CRLS1: variants seen among roughly 807,000 people sequenced by gnomAD.
CRLS1 encodes the protein cardiolipin synthase (CMP-forming).
CRLS1 carries 24 observed loss-of-function variants against 37.0 expected under a neutral mutation model. The ratio of observed to expected loss-of-function variants is 0.65; its 90% confidence interval spans 0.47 to 0.91. The LOEUF (loss-of-function observed/expected upper bound fraction) is 0.91. CRLS1 is among the 40% of genes least tolerant of loss of function. CRLS1 has a pLI of 0.00. For synonymous variants in CRLS1, 135 were observed against 159.7 expected (o/e 0.85, Z 1.17); for missense variants, 373 against 395.8 (o/e 0.94, Z 0.49).
chr20:6,008,596 AT>A (rs1600345094), intron 1 of CRLS1, among the ~76,000 whole-genome samples: 1 of 152,210 alleles, frequency 6.6e-6, no homozygotes, highest in East Asian at 1.9e-4. Flanking sequence ...GGATCTTAAC[AT>A]TTCCATGACT....
At chr20:6,011,626 C>T (rs1203877786) in intron 2 of CRLS1, among the ~76,000 whole-genome samples, 1 of 84,776 alleles carries the variant, frequency 1.2e-5, no homozygotes, top group Non-Finnish European at 2.3e-5. Flanking sequence ...GACTCTGTCG[C>T]CCAGGCTGGA....
chr20:6,030,785 G>A lies in CRLS1; in HGVS notation c.575-500G>A, dbSNP rs551058534. Among the ~76,000 whole-genome samples the A allele has an allele frequency of 1.1e-4, 17 of 152,268 alleles. 1 individual carries two copies. The South Asian group carries it at 1.5e-3, about 13-fold the overall frequency. ...AGCAAATTTTACTCTTCAGAGAATA[G>A]TCTAAAATGCAGAACAAGCAATCAA... On this transcript the variant is annotated intron_variant, in intron 3 of 6. Coordinates refer to ENST00000378863, the MANE Select transcript of CRLS1 (RefSeq NM_019095.6).
At chr20:6,008,781 A>G (rs2090093585) in intron 1 of CRLS1, among the ~76,000 whole-genome samples, 1 of 152,160 alleles carries the variant, frequency 6.6e-6, no homozygotes, top group African/African-American at 2.4e-5. Context: ...CATTCTTTAG[A>G]TATGTGTAAG....
chr20:6,011,571 G>GCCTTTT (rs201052934), intron 2 of CRLS1, among the ~76,000 whole-genome samples: 1 of 42,624 alleles, frequency 2.3e-5, no homozygotes, highest in African/African-American at 6.6e-5. Flanking sequence ...TTTTGTCCCT[G>GCCTTTT]CTTTTTTTTT....
intron 3 of CRLS1, among the ~76,000 whole-genome samples, chr20:6,018,324 G>A (rs1377913805): frequency 6.6e-6 from 1 of 151,134 alleles, no homozygotes; most frequent in Non-Finnish European, 1.5e-5. Flanking sequence ...TTGCTAACTT[G>A]TATTCTAACA....
chr20:6,007,138 A>G (rs1336598097), intron 1 of CRLS1: 3 of 926,212 alleles, frequency 3.2e-6, no homozygotes, highest in Admixed American at 3.5e-5. Flanking sequence ...CTACCCAGAC[A>G]GAAGACACCC....
chr20:6,037,395 C>A lies in CRLS1; in HGVS notation c.*237C>A, dbSNP rs568455027. On this transcript the variant is annotated 3_prime_UTR_variant, in exon 7 of 7. Coordinates refer to ENST00000378863, the MANE Select transcript of CRLS1 (RefSeq NM_019095.6). ...AAAATTGTAATTTAGAATTTTTAAT[C>A]TTAGGTTTCTTGATTAATTTATAAG... 7 of 302,756 alleles carry A rather than the reference C, an allele frequency of 2.3e-5. No homozygotes were observed. The East Asian group carries it at 3.8e-4, about 17-fold the overall frequency. 18.8% of individuals were successfully genotyped at this position (302,756 alleles called of 1,614,324 possible).
intron 6 of CRLS1, 64 bp from the exon 7 acceptor site, chr20:6,037,010 G>T: frequency 9.0e-7 from 1 of 1,116,622 alleles, no homozygotes; most frequent in South Asian, 1.3e-5. Context: ...TATTCATTAT[G>T]ATTCCCGTTG....
At chr20:6,028,207 C>G (rs1274365674) in intron 3 of CRLS1, 1 of 152,086 alleles carries the variant, frequency 6.6e-6, no homozygotes, top group Non-Finnish European at 1.5e-5. Context: ...AATTTTTTTG[C>G]TTTCTTCCTT....
rs1291577837 is a variant in CRLS1 at position 6,039,508 on chromosome 20, A to G, written c.*2350A>G. 1 of 152,146 alleles carries G rather than the reference A, an allele frequency of 6.6e-6. No individual in the cohort carries two copies. The highest frequency in any genetic ancestry group is 1.5e-5 in the Non-Finnish European group (1 of 68,030). 9.4% of individuals were successfully genotyped at this position (152,146 alleles called of 1,614,324 possible). A position where few individuals can be genotyped will look rare whatever the true frequency, so the allele number is the denominator to read the frequency against. ...AGTGCAGTTCAGTTTTAGTTTCTGC[A>G]GCATGGTTTGGAAACAAAAGATACA... On this transcript the variant is annotated 3_prime_UTR_variant, in exon 7 of 7. Transcript: ENST00000378863.
Position 6,039,261 on chromosome 20 carries a change from TTGTGTGTGTGTGTGTGTGTGTGTGTG to T in CRLS1, c.*2121_*2146del, listed in dbSNP as rs57347731. ...CACCAACTGTGCTTTGCAGTTTTGTTTGTGTGTGTGTGTGTGTGTGTGTGTGTGTGTGTGTGTGTGTGTATTTTGTT... is the reference window on the plus strand; with the variant it reads ...CACCAACTGTGCTTTGCAGTTTTGTTTGTGTGTGTGTGTGTGTATTTTGTT... On this transcript the variant is annotated 3_prime_UTR_variant, in exon 7 of 7. Coordinates refer to ENST00000378863, the MANE Select transcript of CRLS1 (RefSeq NM_019095.6). 1 of 147,856 alleles carries T rather than the reference TTGTGTGTGTGTGTGTGTGTGTGTGTG, an allele frequency of 6.8e-6. No homozygotes were observed. Among genetic ancestry groups the T allele is most frequent in the African/African-American group, 2.5e-5 (1 of 39,884 alleles). 9.2% of individuals were successfully genotyped at this position (147,856 alleles called of 1,614,324 possible).
intron 4 of CRLS1, among the ~76,000 whole-genome samples, chr20:6,031,654 TA>T (rs374161976): frequency 6.6e-6 from 1 of 152,336 alleles, no homozygotes; most frequent in African/African-American, 2.4e-5. Flanking sequence ...GCTCTATAAA[TA>T]CTTGAACACA....
chr20:6,032,130 A>T, intron 5 of CRLS1, 50 bp downstream of exon 5: 1 of 1,385,924 alleles, frequency 7.2e-7, no homozygotes, highest in Non-Finnish European at 1.0e-6. Flanking sequence ...AATTTTTATT[A>T]TACAGGATAT....
At chr20:6,011,956 C>T (rs925095033) in intron 2 of CRLS1, among the ~76,000 whole-genome samples, 9 of 151,700 alleles carry the variant, frequency 5.9e-5, no homozygotes, top group Admixed American at 5.9e-4. Context: ...GGCCATTATA[C>T]TGATAACAGT....
At position 6,037,241 on chromosome 20, in the gene CRLS1, A is replaced by G. The variant is rs1210614873; in HGVS notation, c.*83A>G. ...CATGGAAATGTACAGGAGTTTCCCT[A>G]TTTTGGTGTTCAGCTTGAAAAAGGA... On this transcript the variant is annotated 3_prime_UTR_variant, in exon 7 of 7. Coordinates refer to ENST00000378863, the MANE Select transcript of CRLS1 (RefSeq NM_019095.6). The G allele has an allele frequency of 5.3e-6, 5 of 937,902 alleles. No individual in the cohort carries two copies. The highest frequency in any genetic ancestry group is 2.3e-5 in the South Asian group (1 of 44,234). 58.1% of individuals were successfully genotyped at this position (937,902 alleles called of 1,614,324 possible). A position where few individuals can be genotyped will look rare whatever the true frequency, so the allele number is the denominator to read the frequency against.
intron 3 of CRLS1, among the ~76,000 whole-genome samples, chr20:6,020,522 A>G (rs1302931968): frequency 1.3e-5 from 2 of 152,152 alleles, no homozygotes; most frequent in Admixed American, 6.5e-5. Flanking sequence ...GTCAGATTTT[A>G]TAAATATTCC....
rs1302297243 is a variant in CRLS1 at position 6,006,342 on chromosome 20, G to GGCCCTGCTGCCGCCCGT, written c.107_123dup (p.Leu42ArgfsTer80). ...GGCCGAGTAAGCGACGCGCCTGCTG[G>GGCCCTGCTGCCGCCCGT]GCCCTGCTGCCGCCCGTGCCCTGCT... On this transcript the variant is annotated frameshift_variant, in exon 1 of 7. Transcript: ENST00000378863. The GGCCCTGCTGCCGCCCGT allele has an allele frequency of 1.6e-5, 22 of 1,372,910 alleles. No individual in the cohort carries two copies. The highest frequency in any genetic ancestry group is 2.8e-5 in the Admixed American group (1 of 35,794). The allele number at this position is 1,372,910 out of a possible 1,614,324, so 85.0% of individuals were successfully genotyped here.
intron 3 of CRLS1, among the ~76,000 whole-genome samples, chr20:6,017,285 A>G (rs1177482848): frequency 2.0e-5 from 3 of 152,242 alleles, no homozygotes; most frequent in African/African-American, 4.8e-5. Flanking sequence ...CCAACTTGCT[A>G]CGGAACAGTC....
chr20:6,014,260 T>C (rs1480450435), intron 2 of CRLS1, among the ~76,000 whole-genome samples: 1 of 152,158 alleles, frequency 6.6e-6, no homozygotes, highest in African/African-American at 2.4e-5. Context: ...TTATCCAAGA[T>C]CACACAGCTA....
Sources: allele counts gnomAD v4.1 joint callset (sites outside exome capture counted in the v4.1 genomes callset), GRCh38; gene constraint gnomAD v4.1.1; transcripts MANE v1.5; gene names NCBI Gene and HGNC (gene_info 2026-07-23, HGNC 2026-07-21).